Variants in ATXN7L1 observed in about 807,000 individuals in gnomAD.
ATXN7L1 encodes ataxin-7-like protein 1.
Under a neutral mutation model 70.8 loss-of-function variants are expected in ATXN7L1, and 15 were observed. The ratio of observed to expected loss-of-function variants is 0.21; its 90% confidence interval spans 0.14 to 0.33. The LOEUF is 0.33. Ranked by LOEUF, ATXN7L1 falls within the 10% of genes least tolerant of loss-of-function variation. The probability of loss-of-function intolerance (pLI) is 1.00; values close to 1 mark genes in which losing one functional copy is unlikely to be tolerated. For missense variants in ATXN7L1, 975 were observed against 1,097.1 expected (o/e 0.89, Z 1.57); for synonymous variants, 440 against 445.1 (o/e 0.99, Z 0.14).
At chr7:105,868,924 T>C (rs762827085) in intron 2 of ATXN7L1, among the ~76,000 whole-genome samples, 1 of 152,178 alleles carries the variant, frequency 6.6e-6, no homozygotes, top group Non-Finnish European at 1.5e-5. Context: ...GTTGTGGAAG[T>C]AGACAGAGCC....
In ATXN7L1 at chr7:105,658,135, C is replaced by T. The variant is rs141344750; in HGVS notation, c.578+6931G>A. On this transcript the variant is annotated intron_variant, in intron 4 of 11. Coordinates refer to ENST00000419735, the MANE Select transcript of ATXN7L1 (RefSeq NM_020725.2). ...TGTTCTAAGAAATGCAATGAGAGGTCATTTCGTCATGCTAACATTGTAGAG... is the reference window on the plus strand; with the variant it reads ...TGTTCTAAGAAATGCAATGAGAGGTTATTTCGTCATGCTAACATTGTAGAG... Among the ~76,000 whole-genome samples, 130 of 151,666 alleles carry T rather than the reference C, an allele frequency of 8.6e-4. 2 individuals are homozygous for T. Among genetic ancestry groups the T allele is most frequent in the African/African-American group, 2.7e-3 (110 of 41,298 alleles).
intron 3 of ATXN7L1, among the ~76,000 whole-genome samples, chr7:105,675,341 G>A (rs1804467677): frequency 6.6e-6 from 1 of 152,182 alleles, no homozygotes; most frequent in Non-Finnish European, 1.5e-5. Flanking sequence ...AAATATTTGA[G>A]GCTGGGTGCG....
chr7:105,857,714 T>C (rs533678999), intron 2 of ATXN7L1, among the ~76,000 whole-genome samples: 1 of 152,344 alleles, frequency 6.6e-6, no homozygotes, highest in Non-Finnish European at 1.5e-5. Context: ...TATTTCTCAA[T>C]GTTTTTAAAC....
chr7:105,702,550 A>T (rs1322519121), intron 3 of ATXN7L1, among the ~76,000 whole-genome samples: 1 of 148,244 alleles, frequency 6.7e-6, no homozygotes, highest in African/African-American at 2.6e-5. Context: ...CCCACAACAC[A>T]CACACACACA....
intron 3 of ATXN7L1, among the ~76,000 whole-genome samples, chr7:105,737,427 T>C (rs1185096149): frequency 6.6e-6 from 1 of 152,224 alleles, no homozygotes; most frequent in Non-Finnish European, 1.5e-5. Context: ...TAGATACTCT[T>C]ATAATCCTCA....
chr7:105,761,341 T>C (rs1426484127), intron 3 of ATXN7L1: 1 of 1,613,390 alleles, frequency 6.2e-7, no homozygotes, highest in African/African-American at 1.3e-5. Context: ...CTCTGAGATC[T>C]TTCAGAAGTT....
intron 3 of ATXN7L1, among the ~76,000 whole-genome samples, chr7:105,729,516 G>T (rs1796292002): frequency 6.7e-6 from 1 of 148,872 alleles, no homozygotes; most frequent in Non-Finnish European, 1.5e-5. Context: ...CACAATCTCT[G>T]CCTCCTGGGT....
intron 7 of ATXN7L1, among the ~76,000 whole-genome samples, chr7:105,637,091 C>T (rs1470009871): frequency 6.6e-6 from 1 of 152,134 alleles, no homozygotes; most frequent in African/African-American, 2.4e-5. Context: ...AGCATGTCAA[C>T]GGTGACAGTA....
At chr7:105,800,087 T>G in intron 2 of ATXN7L1, among the ~76,000 whole-genome samples, 1 of 151,932 alleles carries the variant, frequency 6.6e-6, no homozygotes, top group East Asian at 1.9e-4. Flanking sequence ...GAATTAAAAC[T>G]CCCCCATAGA....
intron 2 of ATXN7L1, chr7:105,820,003 A>G: frequency 2.2e-6 from 1 of 460,656 alleles, no homozygotes; most frequent in Non-Finnish European, 4.3e-6. Flanking sequence ...TCGGAAGAAG[A>G]AACAGCTCAT....
At chr7:105,662,234 C>G (rs966833648) in intron 4 of ATXN7L1, among the ~76,000 whole-genome samples, 7 of 151,954 alleles carry the variant, frequency 4.6e-5, no homozygotes, top group Non-Finnish European at 1.0e-4. Context: ...TCCTGAGTAG[C>G]TGGGATTACA....
intron 2 of ATXN7L1, among the ~76,000 whole-genome samples, chr7:105,816,400 T>C (rs954924858): frequency 2.0e-5 from 3 of 152,150 alleles, no homozygotes; most frequent in African/African-American, 4.8e-5. Context: ...ACACTAGCTT[T>C]TAATAGGCGA....
At chr7:105,624,380 G>A in intron 7 of ATXN7L1, 113 bp from the exon 8 acceptor site, 7 of 1,079,622 alleles carry the variant, frequency 6.5e-6, no homozygotes, top group South Asian at 3.5e-5. Flanking sequence ...GGCCAGGTTC[G>A]GTGGCTCACG....
At chr7:105,623,147 C>T (rs1795179537) in intron 8 of ATXN7L1, among the ~76,000 whole-genome samples, 1 of 152,158 alleles carries the variant, frequency 6.6e-6, no homozygotes. Flanking sequence ...AGCATTATCC[C>T]CAGGAAAGGA....
chr7:105,613,777 T>C (rs1336449634), intron 10 of ATXN7L1, 85 bp downstream of exon 10: 3 of 1,546,542 alleles, frequency 1.9e-6, no homozygotes. Context: ...GTGTTACCTG[T>C]CGGAGCCGCC....
intron 4 of ATXN7L1, among the ~76,000 whole-genome samples, chr7:105,658,337 G>A (rs62487037): frequency 0.081 from 12,270 of 152,034 alleles, 712 homozygotes; most frequent in East Asian, 0.23. Flanking sequence ...GTATGGTATA[G>A]CCACTTGTTC....
intron 7 of ATXN7L1, among the ~76,000 whole-genome samples, chr7:105,626,541 T>C (rs1795719987): frequency 6.6e-6 from 1 of 152,222 alleles, no homozygotes; most frequent in South Asian, 2.1e-4. Flanking sequence ...TTCAGTGTCA[T>C]AAGAATTATG....
chr7:105,839,784 A>G (rs903994218), intron 2 of ATXN7L1, among the ~76,000 whole-genome samples: 1 of 152,188 alleles, frequency 6.6e-6, no homozygotes. Flanking sequence ...CAGGCATGGG[A>G]AAGAGGAATA....
intron 7 of ATXN7L1, among the ~76,000 whole-genome samples, chr7:105,632,912 T>C (rs2115863405): frequency 8.6e-6 from 1 of 116,808 alleles, no homozygotes; most frequent in South Asian, 2.9e-4. Flanking sequence ...CAGAATGTAA[T>C]CTTGTCTTTA....
Sources: gnomAD v4.1 joint callset for allele counts (sites outside exome capture counted in the v4.1 genomes callset) on GRCh38, gnomAD v4.1.1 for gene constraint, MANE v1.5 for transcripts, NCBI Gene and HGNC (gene_info 2026-07-23, HGNC 2026-07-21) for gene names.